PARVB: variants seen among roughly 807,000 people sequenced by gnomAD.
PARVB encodes the protein parvin beta, also known as beta-parvin.
PARVB carries 46 observed loss-of-function variants against 47.0 expected under a neutral mutation model. The observed-to-expected ratio is 0.98, with a 90% CI of 0.77 to 1.25. PARVB has a LOEUF of 1.25. PARVB is among the 50% of genes most tolerant of loss of function. PARVB has a pLI of 0.00. For missense variants in PARVB, 473 were observed against 471.6 expected, an observed-to-expected ratio of 1.00 and a Z score of -0.03; for synonymous variants, 196 against 196.3, an observed-to-expected ratio of 1.00 and a Z score of 0.01.
At chr22:44,074,731 C>T (rs115385598) in intron 1 of PARVB, among the ~76,000 whole-genome samples, 3,388 of 152,308 alleles carry the variant, frequency 0.022, 128 homozygotes, top group African/African-American at 0.077. Flanking sequence ...CAGCTGCCCA[C>T]GGCAGTCCCA....
Position 44,171,815 on chromosome 22 carries a change from A to AT in PARVB, c.*3157dup, listed in dbSNP as rs766430471. 3,249 of 126,780 alleles carry AT rather than the reference A, an allele frequency of 0.026. 87 individuals carry two copies. Among genetic ancestry groups the AT allele is most frequent in the African/African-American group, 0.055 (1,783 of 32,240 alleles). The allele number at this position is 126,780 out of a possible 1,614,324, so 7.9% of individuals were successfully genotyped here. A position where few individuals can be genotyped will look rare whatever the true frequency, so the allele number is the denominator to read the frequency against. ...GGCGATGTTTCCAGCAAAGGATGTG[A>AT]TTTTTTTTTTTTTTTTTTTTGAGAT... On this transcript the variant is annotated 3_prime_UTR_variant, in exon 13 of 13. Transcript: ENST00000338758.
chr22:44,150,583 A>G (rs1368500493), intron 9 of PARVB: 1 of 152,450 alleles, frequency 6.6e-6, no homozygotes, highest in African/African-American at 2.4e-5. Context: ...AGGCAGGAGA[A>G]TCGCTTGAAC....
At chr22:44,052,481 T>A (rs2051227297) in intron 1 of PARVB, among the ~76,000 whole-genome samples, 1 of 152,206 alleles carries the variant, frequency 6.6e-6, no homozygotes, top group African/African-American at 2.4e-5. Context: ...GTTATGAATG[T>A]TCTTCATTGA....
At chr22:44,118,095 G>T (rs2052952543) in intron 3 of PARVB, among the ~76,000 whole-genome samples, 1 of 152,180 alleles carries the variant, frequency 6.6e-6, no homozygotes, top group East Asian at 1.9e-4. Flanking sequence ...TCCACAGAGA[G>T]ACTTGTACCT....
intron 1 of PARVB, among the ~76,000 whole-genome samples, chr22:44,080,360 G>C (rs1166202440): frequency 6.6e-6 from 1 of 152,212 alleles, no homozygotes; most frequent in South Asian, 2.1e-4. Context: ...CCTTCCGGAG[G>C]CTCCAGGGGA....
chr22:44,040,562 A>G (rs1178990170), intron 1 of PARVB, among the ~76,000 whole-genome samples: 1 of 152,192 alleles, frequency 6.6e-6, no homozygotes, highest in South Asian at 2.1e-4. Flanking sequence ...ATGTGGGGCC[A>G]GGAGCCAAGG....
intron 1 of PARVB, among the ~76,000 whole-genome samples, chr22:44,064,873 A>T (rs994851183): frequency 6.6e-6 from 1 of 152,208 alleles, no homozygotes; most frequent in African/African-American, 2.4e-5. Context: ...ACAGCAGCAG[A>T]ACATTAATCC....
chr22:44,152,603 T>C (rs939040752), intron 10 of PARVB: 1 of 152,222 alleles, frequency 6.6e-6, no homozygotes, highest in Non-Finnish European at 1.5e-5. Context: ...ACCTAGCAAA[T>C]GTCCCCCTGG....
intron 1 of PARVB, among the ~76,000 whole-genome samples, chr22:44,079,057 A>G (rs1003605647): frequency 3.9e-5 from 6 of 152,176 alleles, no homozygotes; most frequent in African/African-American, 1.4e-4. Context: ...ACACTGCAGT[A>G]GAGAGAATGG....
Position 44,171,908 on chromosome 22 carries a change from A to T in PARVB, c.*3230A>T, listed in dbSNP as rs1401073346. 6.6e-6 allele frequency: 1 copy of T among 150,710 alleles called. No individual in the cohort carries two copies. Among genetic ancestry groups the T allele is most frequent in the Non-Finnish European group, 1.5e-5 (1 of 67,882 alleles). 9.3% of individuals were successfully genotyped at this position (150,710 alleles called of 1,614,324 possible). ...CACAGACACACACATAGCAGACTAC[A>T]GACTACAGCCTTGAACTCCTGGGCT... On this transcript the variant is annotated 3_prime_UTR_variant, in exon 13 of 13. Transcript: ENST00000338758.
At chr22:44,039,105 A>G (rs1340819816) in intron 1 of PARVB, among the ~76,000 whole-genome samples, 1 of 152,198 alleles carries the variant, frequency 6.6e-6, no homozygotes, top group Admixed American at 6.5e-5. Context: ...ATGTGGTGAG[A>G]ATAGGACAGC....
At chr22:44,131,135 C>CTT (rs1174328392) in intron 4 of PARVB, among the ~76,000 whole-genome samples, 1 of 23,456 alleles carries the variant, frequency 4.3e-5, no homozygotes, top group Non-Finnish European at 7.9e-5. Context: ...TTCTTTCTTT[C>CTT]TCTCTCTCTC....
At chr22:44,132,544 C>G (rs912360992) in intron 5 of PARVB, among the ~76,000 whole-genome samples, 4 of 152,150 alleles carry the variant, frequency 2.6e-5, no homozygotes, top group Admixed American at 2.6e-4. Flanking sequence ...AACGCACATC[C>G]TTGTGATGGG....
At chr22:44,032,915 G>GTT in intron 1 of PARVB, among the ~76,000 whole-genome samples, 1 of 152,326 alleles carries the variant, frequency 6.6e-6, no homozygotes, top group Admixed American at 6.5e-5. Flanking sequence ...GCCTTTTCCA[G>GTT]CTCTAGTGCT....
chr22:44,044,432 C>T (rs774793569), intron 1 of PARVB, among the ~76,000 whole-genome samples: 19 of 152,160 alleles, frequency 1.2e-4, no homozygotes, highest in Non-Finnish European at 2.5e-4. Flanking sequence ...CCTCGTGATC[C>T]GCCCGCCTAG....
upstream of PARVB, among the ~76,000 whole-genome samples, chr22:44,019,798 C>G (rs563480952): frequency 2.0e-5 from 3 of 152,334 alleles, no homozygotes; most frequent in South Asian, 4.1e-4. Flanking sequence ...CCACACACCC[C>G]CCATCAGGCC....
At chr22:44,003,146 G>A (rs1364416305) in intron 2 of PARVB, among the ~76,000 whole-genome samples, 3 of 152,122 alleles carry the variant, frequency 2.0e-5, no homozygotes, top group African/African-American at 7.2e-5. Flanking sequence ...GGATGTGCCG[G>A]TCAATTAAAA....
chr22:44,064,849 G>T (rs1046143488), intron 1 of PARVB, among the ~76,000 whole-genome samples: 6 of 152,190 alleles, frequency 3.9e-5, no homozygotes, highest in Non-Finnish European at 8.8e-5. Context: ...GTGAGACCCT[G>T]TCTAACAGCA....
chr22:44,097,940 C>T (rs1271630514), intron 2 of PARVB, among the ~76,000 whole-genome samples: 2 of 152,206 alleles, frequency 1.3e-5, no homozygotes, highest in Non-Finnish European at 2.9e-5. Context: ...CCTCAAGAAG[C>T]ACACAGTCCT....
Sources: allele counts gnomAD v4.1 joint callset (sites outside exome capture counted in the v4.1 genomes callset), GRCh38; gene constraint gnomAD v4.1.1; transcripts MANE v1.5; gene names NCBI Gene and HGNC (gene_info 2026-07-23, HGNC 2026-07-21).